The following WBP2NL variants were observed in gnomAD, a reference collection of about 807,000 sequenced individuals.
WBP2NL encodes the protein postacrosomal sheath WW domain-binding protein.
WBP2NL carries 27 observed loss-of-function variants against 23.3 expected under a neutral mutation model. The ratio of observed to expected loss-of-function variants is 1.16; its 90% CI spans 0.85 to 1.60. The LOEUF is 1.60. Among genes scored for constraint, WBP2NL ranks in the 40% most tolerant of loss-of-function variants. The pLI is 0.00. For synonymous variants in WBP2NL, 151 were observed against 145.9 expected, an observed-to-expected ratio of 1.03 and a Z score of -0.25; for missense variants, 370 against 389.5, an observed-to-expected ratio of 0.95 and a Z score of 0.42.
At chr22:42,049,715 A>C (rs1166625824) in intron 8 of WBP2NL, among the ~76,000 whole-genome samples, 8 of 146,506 alleles carry the variant, frequency 5.5e-5, no homozygotes, top group East Asian at 2.0e-4. Context: ...CAAAAAAAAA[A>C]AAAAAAAAAA....
intron 8 of WBP2NL, among the ~76,000 whole-genome samples, chr22:42,042,856 C>T (rs560606418): frequency 3.3e-5 from 5 of 151,880 alleles, no homozygotes; most frequent in African/African-American, 9.7e-5. Flanking sequence ...CCCAGCAGTT[C>T]GAGATGACCA....
At chr22:42,042,555 T>C (rs1925435081) in intron 8 of WBP2NL, among the ~76,000 whole-genome samples, 1 of 152,230 alleles carries the variant, frequency 6.6e-6, no homozygotes, top group Non-Finnish European at 1.5e-5. Flanking sequence ...TTGTATTCTT[T>C]TCCTGATTTC....
At chr22:42,025,202 A>G (rs1048076400) in intron 5 of WBP2NL, among the ~76,000 whole-genome samples, 35 of 152,296 alleles carry the variant, frequency 2.3e-4, no homozygotes, top group Middle Eastern at 6.8e-3. Flanking sequence ...GCCAAATCCA[A>G]TGTCATGAAG....
At chr22:42,023,420 C>T (rs548916745) in intron 5 of WBP2NL, among the ~76,000 whole-genome samples, 1 of 151,970 alleles carries the variant, frequency 6.6e-6, no homozygotes, top group Non-Finnish European at 1.5e-5. Flanking sequence ...GTTCTGAACT[C>T]CTGGCCTCCA....
intron 1 of WBP2NL, among the ~76,000 whole-genome samples, chr22:42,015,846 T>A (rs998995699): frequency 9.2e-5 from 14 of 152,232 alleles, no homozygotes; most frequent in African/African-American, 3.1e-4. Flanking sequence ...CTCAGGAATA[T>A]GTGTGAGCTT....
downstream of WBP2NL, chr22:42,032,568 A>G (rs1925017379): frequency 1.4e-5 from 4 of 292,844 alleles, no homozygotes; most frequent in South Asian, 3.4e-5. Context: ...TCATGTATGT[A>G]TATATATAAA....
At chr22:42,057,215 C>T (rs2146829399) in intron 8 of WBP2NL, among the ~76,000 whole-genome samples, 1 of 152,196 alleles carries the variant, frequency 6.6e-6, no homozygotes, top group Non-Finnish European at 1.5e-5. Flanking sequence ...GCTCATTGTT[C>T]TTCATTCTTG....
intron 1 of WBP2NL, chr22:42,001,771 C>G: frequency 8.3e-7 from 1 of 1,206,340 alleles, no homozygotes; most frequent in South Asian, 1.3e-5. Context: ...GACAGGACTC[C>G]GTGCTCCTTG....
rs1923788821 is a variant in WBP2NL at position 42,020,487 on chromosome 22, C to T, written c.406+391C>T. 5.9e-5 allele frequency among the ~76,000 whole-genome samples: 9 copies of T among 152,090 alleles called. No homozygotes were observed. In the South Asian group the frequency reaches 1.9e-3, roughly 32 times the overall value. ...CCTACAATTGTCAAGTACCATGTTA[C>T]AGGGTAGGAACACAAAGATTATTCA... is the stretch of plus-strand genomic sequence containing the variant. On this transcript the variant is annotated intron_variant, in intron 4 of 5. Coordinates refer to ENST00000328823, the MANE Select transcript of WBP2NL (RefSeq NM_152613.3).
intron 1 of WBP2NL, among the ~76,000 whole-genome samples, chr22:42,010,678 A>G (rs980506189): frequency 4.6e-5 from 7 of 151,934 alleles, no homozygotes; most frequent in African/African-American, 1.7e-4. Context: ...AGCTGGGACT[A>G]CAGGCGCCCA....
rs572174766 is a variant in WBP2NL, at chr22:42,012,337, A to C, written c.63-6974A>C. Among the ~76,000 whole-genome samples the C allele has an allele frequency of 7.9e-5, 12 of 152,246 alleles. No individual in the cohort carries two copies. In the South Asian group the frequency reaches 2.5e-3, roughly 32 times the overall value. On this transcript the variant is annotated intron_variant, in intron 1 of 5. Transcript: ENST00000328823. ...TGAGATCTTTCTTCTTTATTAAAGT[A>C]CACATCTGCAGCTATAAACATCTTA...
At chr22:42,003,392 C>G (rs129856) in intron 1 of WBP2NL, 64,827 of 152,354 alleles carry the variant, frequency 0.43, 14,974 homozygotes, top group East Asian at 0.85. Flanking sequence ...AGTGTTTCCA[C>G]TTTTTGTAAA....
intron 4 of WBP2NL, among the ~76,000 whole-genome samples, chr22:42,021,153 C>T (rs1923940200): frequency 6.6e-6 from 1 of 151,566 alleles, no homozygotes; most frequent in Non-Finnish European, 1.5e-5. Flanking sequence ...CTCCTGACCT[C>T]AGGAGATCCA....
intron 1 of WBP2NL, among the ~76,000 whole-genome samples, chr22:42,004,731 T>G (rs535181966): frequency 6.6e-6 from 1 of 150,740 alleles, no homozygotes; most frequent in Non-Finnish European, 1.5e-5. Context: ...CCAGACCAGC[T>G]TGGCCAACAT....
chr22:42,056,454 T>C (rs146585568), intron 8 of WBP2NL, among the ~76,000 whole-genome samples: 12 of 152,204 alleles, frequency 7.9e-5, no homozygotes, highest in African/African-American at 2.9e-4. Flanking sequence ...TTTACTTATG[T>C]AGTTCCATTT....
At chr22:42,020,461 A>G (rs1373135829) in intron 4 of WBP2NL, among the ~76,000 whole-genome samples, 1 of 152,150 alleles carries the variant, frequency 6.6e-6, no homozygotes, top group Non-Finnish European at 1.5e-5. Flanking sequence ...TCCTGGGCCT[A>G]CCTACAATTG....
rs191698084 is a variant in WBP2NL at position 42,051,345 on chromosome 22, G to C, written c.*274-6945G>C. On this transcript the variant is annotated intron_variant and NMD_transcript_variant, in intron 8 of 8. Transcript: ENST00000436265. ...CAGTGATGGCCAGGAGTGGGGGAGA[G>C]GGAAGGGAGGGAGGGATGAACCAGG... Among the ~76,000 whole-genome samples, 228 of 152,260 alleles carry C rather than the reference G, an allele frequency of 1.5e-3. 1 individual carries two copies. The highest frequency in any genetic ancestry group is 3.5e-4 in the Non-Finnish European group (24 of 68,024).
chr22:42,023,355 G>C (rs1293219771), intron 5 of WBP2NL, among the ~76,000 whole-genome samples: 1 of 152,046 alleles, frequency 6.6e-6, no homozygotes, highest in Non-Finnish European at 1.5e-5. Flanking sequence ...ACCATGCCCG[G>C]CTAATTTTTA....
chr22:42,044,127 A>G (rs1403396266), intron 8 of WBP2NL, among the ~76,000 whole-genome samples: 2 of 152,134 alleles, frequency 1.3e-5, no homozygotes, highest in African/African-American at 2.4e-5. Flanking sequence ...GAGTTACCCA[A>G]ATGAGCCTTG....
Sources: gnomAD v4.1 joint callset for allele counts (sites outside exome capture counted in the v4.1 genomes callset) on GRCh38, gnomAD v4.1.1 for gene constraint, MANE v1.5 for transcripts, NCBI Gene and HGNC (gene_info 2026-07-23, HGNC 2026-07-21) for gene names.